Variants in SRSF11 observed in about 807,000 individuals in gnomAD.
The protein encoded by SRSF11 is serine/arginine-rich splicing factor 11.
A neutral mutation model predicts 56.0 loss-of-function variants in SRSF11; 9 were observed. The ratio of observed to expected loss-of-function variants is 0.16; its 90% CI spans 0.10 to 0.28. SRSF11 has a LOEUF of 0.28. Ranked by LOEUF, SRSF11 falls within the 10% of genes least tolerant of loss-of-function variation. SRSF11 has a pLI of 1.00. For missense variants in SRSF11, 421 were observed against 600.7 expected (o/e 0.70, Z 3.13); for synonymous variants, 222 against 215.3 (o/e 1.03, Z -0.27).
intron 1 of SRSF11, among the ~76,000 whole-genome samples, chr1:70,207,567 T>G (rs1395514700): frequency 6.6e-6 from 1 of 152,086 alleles, no homozygotes; most frequent in Non-Finnish European, 1.5e-5. Context: ...CTTCAGTTGT[T>G]TTTAAGAAGA....
intron 6 of SRSF11, among the ~76,000 whole-genome samples, chr1:70,238,273 C>G (rs748242618): frequency 7.2e-5 from 11 of 152,214 alleles, no homozygotes; most frequent in Admixed American, 2.0e-4. Context: ...GATAGCACAG[C>G]CGGGTGTATG....
intron 1 of SRSF11, among the ~76,000 whole-genome samples, chr1:70,206,372 G>A (rs966746556): frequency 2.0e-5 from 3 of 151,336 alleles, no homozygotes; most frequent in East Asian, 3.9e-4. Flanking sequence ...TTACTTTGGG[G>A]ATAATTCCTA....
chr1:70,215,947 C>A (rs986607304), intron 1 of SRSF11, among the ~76,000 whole-genome samples: 2 of 152,118 alleles, frequency 1.3e-5, no homozygotes, highest in African/African-American at 4.8e-5. Context: ...CCACCACGCG[C>A]GGCTGATTTT....
chr1:70,221,354 A>C, upstream of SRSF11: 2 of 425,288 alleles, frequency 4.7e-6, no homozygotes, highest in Non-Finnish European at 8.3e-6. Flanking sequence ...CTGCGCCGCA[A>C]AGCATTGTGG....
chr1:70,206,227 C>T lies in SRSF11; in HGVS notation c.-26+447C>T, dbSNP rs1382037655. Among the ~76,000 whole-genome samples, 3 of 152,178 alleles carry T rather than the reference C, an allele frequency of 2.0e-5. No individual in the cohort carries two copies. The East Asian group carries it at 5.8e-4, about 29-fold the overall frequency. On this transcript the variant is annotated intron_variant, in intron 1 of 12. Transcript: ENST00000370950. ...TTAGGGAGACAAGTAGTGGTACATG[C>T]TTTAGTGAAGCTCAGACAGCTTGGA...
chr1:70,210,495 A>G (rs538875278), intron 1 of SRSF11, among the ~76,000 whole-genome samples: 155 of 152,256 alleles, frequency 1.0e-3, no homozygotes, highest in African/African-American at 3.7e-3. Flanking sequence ...GGCAGATCCC[A>G]TGAGTTCAGG....
intron 2 of SRSF11, 80 bp from the exon 3 acceptor site, chr1:70,232,186 CAG>C: frequency 6.2e-7 from 1 of 1,605,462 alleles, no homozygotes; most frequent in Non-Finnish European, 8.5e-7. Flanking sequence ...GGTGGTGTAT[CAG>C]GGAGACATTT....
At chr1:70,211,481 CT>C (rs1292424444) in intron 1 of SRSF11, among the ~76,000 whole-genome samples, 1 of 152,114 alleles carries the variant, frequency 6.6e-6, no homozygotes, top group Non-Finnish European at 1.5e-5. Context: ...GTCCCTGAGA[CT>C]TTATCCTTAA....
At chr1:70,244,874 A>T in intron 8 of SRSF11, 59 bp downstream of exon 8, 1 of 1,523,096 alleles carries the variant, frequency 6.6e-7, no homozygotes, top group Non-Finnish European at 9.0e-7. Context: ...GTACTGTGCT[A>T]CTTAGTAACA....
chr1:70,226,740 CCTG>C (rs1671867697), intron 1 of SRSF11, among the ~76,000 whole-genome samples: 1 of 152,156 alleles, frequency 6.6e-6, no homozygotes, highest in Non-Finnish European at 1.5e-5. Flanking sequence ...GCTTACTAAA[CCTG>C]CTAAAGTACT....
chr1:70,210,560 A>G (rs969193105), intron 1 of SRSF11, among the ~76,000 whole-genome samples: 2 of 152,166 alleles, frequency 1.3e-5, no homozygotes, highest in Admixed American at 6.5e-5. Flanking sequence ...AAAAAATACA[A>G]AAATTACCTG....
chr1:70,228,691 ATTTTTGCTTGCAGATTTTT>A, intron 2 of SRSF11, 136 bp downstream of exon 2: 1 of 1,344,472 alleles, frequency 7.4e-7, no homozygotes, highest in Non-Finnish European at 9.6e-7. Context: ...GCAGTCCGTA[ATTTTTGCTTGCAGATTTTT>A]TTTAATTCTA....
At chr1:70,226,481 G>C (rs755433270) in intron 1 of SRSF11, among the ~76,000 whole-genome samples, 13 of 152,050 alleles carry the variant, frequency 8.5e-5, no homozygotes, top group Non-Finnish European at 1.9e-4. Flanking sequence ...ATTTGAGCAC[G>C]GGGGCAGTAC....
chr1:70,228,654 T>G, intron 2 of SRSF11, 99 bp downstream of exon 2: 1 of 1,403,436 alleles, frequency 7.1e-7, no homozygotes. Context: ...ATCTAAGCTA[T>G]TAACATTTTT....
intron 7 of SRSF11, among the ~76,000 whole-genome samples, chr1:70,242,367 C>G (rs989392923): frequency 2.6e-5 from 4 of 151,894 alleles, no homozygotes; most frequent in African/African-American, 9.7e-5. Flanking sequence ...CACACACACC[C>G]CCCACACCCC....
intron 1 of SRSF11, among the ~76,000 whole-genome samples, chr1:70,224,947 T>G (rs1047129725): frequency 6.6e-6 from 1 of 152,220 alleles, no homozygotes; most frequent in Admixed American, 6.5e-5. Context: ...AAAAAAATGT[T>G]TTTGACCCTG....
chr1:70,221,474 G>GGC lies in SRSF11; in HGVS notation c.-161_-160dup. 9.4e-7 allele frequency: 1 copy of GGC among 1,059,692 alleles called. No homozygotes were observed. The highest frequency in any genetic ancestry group is 1.4e-6 in the Non-Finnish European group (1 of 736,610). 65.6% of individuals were successfully genotyped at this position (1,059,692 alleles called of 1,614,324 possible). A position where few individuals can be genotyped will look rare whatever the true frequency, so the allele number is the denominator to read the frequency against. On this transcript the variant is annotated 5_prime_UTR_variant, in exon 1 of 12. Transcript: ENST00000370949. ...TCCCCTCCCCCGCGGCGTGCGGCGG[G>GGC]GCGGAGAAACGGCGGCGGCGGCGGC...
intron 2 of SRSF11, chr1:70,229,301 G>A: frequency 2.3e-6 from 3 of 1,285,496 alleles, no homozygotes; most frequent in Non-Finnish European, 3.0e-6. Context: ...CTAAAGGCCA[G>A]CAAGCACTCA....
At chr1:70,233,200 G>A (rs904352721) in intron 3 of SRSF11, among the ~76,000 whole-genome samples, 1 of 151,364 alleles carries the variant, frequency 6.6e-6, no homozygotes, top group Non-Finnish European at 1.5e-5. Context: ...TTTATTCTTT[G>A]TTCTGTTTTG....
Sources: gnomAD v4.1 joint callset for allele counts (sites outside exome capture counted in the v4.1 genomes callset) on GRCh38, gnomAD v4.1.1 for gene constraint, MANE v1.5 for transcripts, NCBI Gene and HGNC (gene_info 2026-07-23, HGNC 2026-07-21) for gene names.